DDX3X: variants seen among roughly 807,000 people sequenced by gnomAD.
DDX3X encodes the protein ATP-dependent RNA helicase DDX3X.
DDX3X carries 4 observed loss-of-function variants against 52.7 expected under a neutral mutation model. The ratio of observed to expected loss-of-function variants is 0.08; its 90% CI spans 0.04 to 0.17. The LOEUF (loss-of-function observed/expected upper bound fraction) is 0.17, where lower values mean the gene tolerates loss of function less well. Ranked by LOEUF, DDX3X falls within the 10% of genes least tolerant of loss-of-function variation. DDX3X has a pLI of 1.00. For missense variants in DDX3X, 222 were observed against 548.6 expected (o/e 0.40, Z 5.95); for synonymous variants, 192 against 178.1 (o/e 1.08, Z -0.62).
rs1226808944 is a variant in DDX3X, at chrX:41,349,829, A to G, written c.*2110A>G. 1 of 110,998 alleles carries G rather than the reference A, an allele frequency of 9.0e-6. No homozygotes were observed. The highest frequency in any genetic ancestry group is 1.9e-5 in the Non-Finnish European group (1 of 52,937). 9.1% of individuals were successfully genotyped at this position (110,998 alleles called of 1,213,427 possible). On this transcript the variant is annotated 3_prime_UTR_variant, in exon 17 of 17. Coordinates refer to ENST00000644876, the MANE Select transcript of DDX3X (RefSeq NM_001356.5). ...ACACTTGTCTTAAGATATTAATGAA[A>G]CACTTCAAAACACTGATGTGAAGTG...
At position 41,346,430 on chromosome X, in the gene DDX3X, T is replaced by C; in HGVS notation, c.1497+20T>C. 8.3e-7 allele frequency: 1 copy of C among 1,202,902 alleles called. No individual in the cohort carries two copies. On this transcript the variant is annotated intron_variant, in intron 13 of 16. Coordinates refer to ENST00000644876, the MANE Select transcript of DDX3X (RefSeq NM_001356.5). ...ACAGCAGTATGTATAAACATCTTTCTTTTATTCAAATTGAGCATGTTCAAG... is the reference window on the plus strand; with the variant it reads ...ACAGCAGTATGTATAAACATCTTTCCTTTATTCAAATTGAGCATGTTCAAG...
chrX:41,360,377 C>CA (rs1222630328), intron 5 of DDX3X, among the ~76,000 whole-genome samples: 928 of 80,409 alleles, frequency 0.012, 12 homozygotes, highest in African/African-American at 0.037. Context: ...AACTCTGTCT[C>CA]AAAAAAAAAA....
upstream of DDX3X, chrX:41,334,034 G>A: frequency 2.3e-6 from 1 of 426,866 alleles, no homozygotes; most frequent in South Asian, 3.7e-5. Context: ...CTGAGGGAGC[G>A]CGCAGTAGCC....
chrX:41,351,161 A>G (rs1461843591), downstream of DDX3X: 1 of 111,656 alleles, frequency 9.0e-6, no homozygotes, highest in Admixed American at 9.6e-5. Flanking sequence ...CATGGAGTGA[A>G]ACGATGCTAA....
intron 5 of DDX3X, 35 bp downstream of exon 5, chrX:41,342,688 G>T: frequency 8.3e-7 from 1 of 1,209,211 alleles, no homozygotes; most frequent in Non-Finnish European, 1.1e-6. Flanking sequence ...TTGTGATGAA[G>T]CCTTACTAGC....
chrX:41,360,152 C>A (rs1460725671), intron 5 of DDX3X, among the ~76,000 whole-genome samples: 2 of 109,091 alleles, frequency 1.8e-5, no homozygotes, highest in Admixed American at 2.0e-4. Context: ...CGGAGGTGGG[C>A]GGATCACCTG....
chrX:41,352,145 A>G (rs774502175), downstream of DDX3X, among the ~76,000 whole-genome samples: 1 of 111,486 alleles, frequency 9.0e-6, no homozygotes, highest in African/African-American at 3.3e-5. Flanking sequence ...ATGAGATACT[A>G]TCTCCTCTAG....
At chrX:41,334,614 A>G (rs1408677416) in intron 1 of DDX3X, 19 of 1,086,598 alleles carry the variant, frequency 1.7e-5, no homozygotes, top group Admixed American at 3.0e-5. Context: ...CCGACTGATT[A>G]GTGACCTGGG....
At chrX:41,350,422 C>T (rs978880584), downstream of DDX3X, 11 of 111,672 alleles carry the variant, frequency 9.9e-5, no homozygotes, top group Non-Finnish European at 2.1e-4. Context: ...TTGTAATAGA[C>T]GGAAATCTAA....
At chrX:41,345,122 C>T (rs2063906696) in intron 10 of DDX3X, 58 bp from the exon 11 acceptor site, 3 of 1,119,846 alleles carry the variant, frequency 2.7e-6, no homozygotes, top group Non-Finnish European at 3.7e-6. Context: ...ATACTAAAAC[C>T]ATGTTGATTT....
intron 5 of DDX3X, among the ~76,000 whole-genome samples, chrX:41,357,674 G>A (rs923251789): frequency 9.0e-6 from 1 of 110,684 alleles, no homozygotes. Context: ...GAGCTCAGGC[G>A]ATCCTACCAC....
At chrX:41,343,686 A>G (rs769122638) in intron 7 of DDX3X, 51 bp from the exon 8 acceptor site, 3 of 1,056,607 alleles carry the variant, frequency 2.8e-6, no homozygotes, top group Non-Finnish European at 2.6e-6. Context: ...GTCATCTACC[A>G]ATGTCTGTTT....
chrX:41,342,365 C>G (rs774709172), intron 4 of DDX3X, 130 bp from the exon 5 acceptor site: 2 of 707,388 alleles, frequency 2.8e-6, no homozygotes, highest in East Asian at 6.9e-5. Context: ...TGTCAAGTAA[C>G]TCAGAATTGG....
downstream of DDX3X, among the ~76,000 whole-genome samples, chrX:41,352,859 CT>C (rs1226221910): frequency 9.0e-6 from 1 of 111,710 alleles, no homozygotes; most frequent in Non-Finnish European, 1.9e-5. Context: ...GTTCACTCCC[CT>C]TCTTTTTGTC....
In DDX3X at chrX:41,334,300, G is replaced by A. The variant is rs749929602; in HGVS notation, c.45+3G>A. 3 of 1,210,827 alleles carry A rather than the reference G, an allele frequency of 2.5e-6. No individual in the cohort carries two copies. Among genetic ancestry groups the A allele is most frequent in the African/African-American group, 3.4e-5 (2 of 57,994 alleles). On this transcript the variant is annotated splice_donor_region_variant and intron_variant, in intron 1 of 16. Transcript: ENST00000644876. ...ATGCGCTCGGGCTGGACCAGCAGGT[G>A]AGCCGCAAGAACCCCACCGGGCTGG... is the stretch of plus-strand genomic sequence containing the variant.
intron 1 of DDX3X, chrX:41,336,774 A>G (rs2063776817): frequency 8.9e-6 from 1 of 112,201 alleles, no homozygotes; most frequent in African/African-American, 3.2e-5. Context: ...GAAACAGTCA[A>G]ACTACTTAAG....
At chrX:41,337,512 C>T (rs750853283) in intron 2 of DDX3X, 47 bp downstream of exon 2, 31 of 1,053,526 alleles carry the variant, frequency 2.9e-5, no homozygotes, top group Admixed American at 1.6e-4. Flanking sequence ...AGCTTAACAT[C>T]TTAAGATTTC....
At chrX:41,354,105 CAA>C (rs765597443), downstream of DDX3X, among the ~76,000 whole-genome samples, 6 of 111,072 alleles carry the variant, frequency 5.4e-5, no homozygotes, top group Non-Finnish European at 9.4e-5. Flanking sequence ...GTTGCAAAAA[CAA>C]GAGAGGTTCC....
chrX:41,354,646 TCTGTCCCCTTCCTGCTTCCCTAAC>T (rs1413473043), downstream of DDX3X, among the ~76,000 whole-genome samples: 1 of 110,359 alleles, frequency 9.1e-6, no homozygotes, highest in Non-Finnish European at 1.9e-5. Context: ...TTAAATCGTA[TCTGTCCCCTTCCTGCTTCCCTAAC>T]CTGTCCCCAA....
Sources: gnomAD v4.1 joint callset for allele counts (sites outside exome capture counted in the v4.1 genomes callset) on GRCh38, gnomAD v4.1.1 for gene constraint, MANE v1.5 for transcripts, NCBI Gene and HGNC (gene_info 2026-07-23, HGNC 2026-07-21) for gene names.